PTPRJ: variants seen among roughly 807,000 people sequenced by gnomAD.
The protein encoded by PTPRJ is protein tyrosine phosphatase receptor type J.
A neutral mutation model predicts 141.3 loss-of-function variants in PTPRJ; 129 were observed. That is an observed-to-expected ratio of 0.91 (90% CI 0.79 to 1.06). The LOEUF (loss-of-function observed/expected upper bound fraction) is 1.06, where lower values mean the gene tolerates loss of function less well. Among genes scored for constraint, PTPRJ ranks in the 50% least tolerant of loss-of-function variants. The pLI is 0.00. For synonymous variants in PTPRJ, 610 were observed against 640.5 expected (o/e 0.95, Z 0.72); for missense variants, 1,601 against 1,679.7 (o/e 0.95, Z 0.82).
At chr11:48,081,467 G>A (rs1292256849) in intron 1 of PTPRJ, among the ~76,000 whole-genome samples, 1 of 152,218 alleles carries the variant, frequency 6.6e-6, no homozygotes, top group Non-Finnish European at 1.5e-5. Context: ...CTTGGCGGAC[G>A]ACTTGGGGCT....
intron 1 of PTPRJ, among the ~76,000 whole-genome samples, chr11:48,086,988 A>G (rs1404628825): frequency 6.6e-6 from 1 of 152,244 alleles, no homozygotes; most frequent in Non-Finnish European, 1.5e-5. Flanking sequence ...AGCACTGAGC[A>G]CTTTGACTCA....
At chr11:48,016,551 C>T in intron 1 of PTPRJ, among the ~76,000 whole-genome samples, 1 of 152,154 alleles carries the variant, frequency 6.6e-6, no homozygotes, top group East Asian at 1.9e-4. Context: ...GAGTTGGATG[C>T]CATGGACTTG....
intron 9 of PTPRJ, 56 bp from the exon 10 acceptor site, chr11:48,136,947 C>T (rs1857115614): frequency 6.8e-7 from 1 of 1,471,302 alleles, no homozygotes; most frequent in South Asian, 1.3e-5. Context: ...GTAAATAGTC[C>T]TGGAATTCTA....
chr11:48,117,277 G>A (rs978076562), intron 3 of PTPRJ, among the ~76,000 whole-genome samples: 5 of 151,712 alleles, frequency 3.3e-5, no homozygotes, highest in Non-Finnish European at 5.9e-5. Context: ...ACAGTGGCTC[G>A]TGCCTGTAAT....
At chr11:48,031,043 A>G (rs1853967202) in intron 1 of PTPRJ, among the ~76,000 whole-genome samples, 1 of 152,204 alleles carries the variant, frequency 6.6e-6, no homozygotes, top group East Asian at 1.9e-4. Context: ...AGATTGTAGA[A>G]CTTTGTAAAC....
chr11:48,031,125 C>T (rs1344741354), intron 1 of PTPRJ, among the ~76,000 whole-genome samples: 1 of 152,172 alleles, frequency 6.6e-6, no homozygotes, highest in Admixed American at 6.5e-5. Context: ...GTGACCATTG[C>T]CTGTTAGATT....
At chr11:48,027,790 C>CA (rs1372464226) in intron 1 of PTPRJ, among the ~76,000 whole-genome samples, 6 of 66,522 alleles carry the variant, frequency 9.0e-5, no homozygotes, top group Non-Finnish European at 1.3e-4. Context: ...GACTCTGTCT[C>CA]CAAAAAAAAA....
Position 48,127,938 on chromosome 11 carries a change from C to T in PTPRJ, c.1252C>T (p.Arg418Cys), listed in dbSNP as rs377560733. The change falls in exon 7 of 25, where the codon CGC (arginine) becomes TGC (cysteine). Residue 418 changes from arginine (R) to cysteine (C), a missense_variant. By Grantham distance (180) the Arg-to-Cys change is radical. Coordinates refer to ENST00000418331, the MANE Select transcript of PTPRJ (RefSeq NM_002843.4). ...TTCCAATCTCAACGTCAGTGAGCCT[C>T]GCGCTGTCATCCCCGGACTCCGCTC... The part of the protein sequence containing the change: ...DSSNLNVSEP[R>C]AVIPGLRSST... The T allele has an allele frequency of 5.9e-5, 96 of 1,614,166 alleles. 1 individual carries two copies. Among genetic ancestry groups the T allele is most frequent in the African/African-American group, 3.1e-4 (23 of 75,054 alleles).
intron 6 of PTPRJ, among the ~76,000 whole-genome samples, 199 bp downstream of exon 6, chr11:48,125,385 T>C (rs1003692126): frequency 6.6e-6 from 1 of 152,200 alleles, no homozygotes; most frequent in Non-Finnish European, 1.5e-5. Flanking sequence ...TCTCATTAAG[T>C]GAAATCAAAT....
chr11:48,158,363 T>C lies in PTPRJ; in HGVS notation c.3439-1567T>C, dbSNP rs11039549. 0.017 allele frequency among the ~76,000 whole-genome samples: 2,610 copies of C among 152,190 alleles called. 78 individuals are homozygous for C. The highest frequency in any genetic ancestry group is 0.06 in the African/African-American group (2,472 of 41,522). On this transcript the variant is annotated intron_variant, in intron 21 of 24. Transcript: ENST00000418331. This position sits in a 1 kb window ranked among gnomAD's most constrained non-coding sequence, Gnocchi z 4.4. ...GTTAGTCTTAGTGACCCTGGGTGAA[T>C]GGGGAAGGGAGTGTATTTTCTGCAC...
At chr11:48,096,020 G>A (rs1007856361) in intron 1 of PTPRJ, among the ~76,000 whole-genome samples, 1 of 152,202 alleles carries the variant, frequency 6.6e-6, no homozygotes, top group African/African-American at 2.4e-5. Flanking sequence ...CAGCTAGTGG[G>A]TTATGGGGCA....
chr11:48,091,480 G>T (rs1855865595), intron 1 of PTPRJ, among the ~76,000 whole-genome samples: 1 of 152,184 alleles, frequency 6.6e-6, no homozygotes, highest in Non-Finnish European at 1.5e-5. Context: ...CTTAGGGCAG[G>T]ATAGCTCTTG....
In PTPRJ at chr11:48,130,501, C is replaced by T. The variant is rs148162486; in HGVS notation, c.1400C>T (p.Thr467Met). Residue 467 changes from threonine to methionine, a missense_variant, in exon 8 of 25, where the codon ACG becomes ATG. By Grantham distance (81) the Thr-to-Met change is moderately conservative (BLOSUM62 -1). Coordinates refer to ENST00000418331, the MANE Select transcript of PTPRJ (RefSeq NM_002843.4). ...VSDFRVTVVSTTEIGLAWSSH... is the reference protein window; with the variant it reads ...VSDFRVTVVSMTEIGLAWSSH... ...GACTTCCGAGTGACAGTGGTCAGCA[C>T]GACGGAGATCGGCTTAGCATGGAGC... 2.3e-4 allele frequency: 372 copies of T among 1,613,566 alleles called. No individual in the cohort carries two copies. Among genetic ancestry groups the T allele is most frequent in the Middle Eastern group, 3.3e-4 (2 of 6,056 alleles).
At chr11:48,045,687 C>T (rs1450823333) in intron 1 of PTPRJ, among the ~76,000 whole-genome samples, 1 of 152,104 alleles carries the variant, frequency 6.6e-6, no homozygotes, top group Admixed American at 6.5e-5. Flanking sequence ...AGAAGTTCTG[C>T]TGCAGTGAGT....
intron 1 of PTPRJ, among the ~76,000 whole-genome samples, chr11:48,092,965 G>A (rs149491217): frequency 1.8e-3 from 274 of 152,244 alleles, no homozygotes; most frequent in Non-Finnish European, 2.8e-3. Context: ...ATATATGAGC[G>A]TTGAATATTA....
chr11:48,065,117 C>T (rs1367749392), intron 1 of PTPRJ, among the ~76,000 whole-genome samples: 4 of 144,826 alleles, frequency 2.8e-5, no homozygotes, highest in African/African-American at 7.7e-5. Flanking sequence ...CAGGTTCAAA[C>T]GATTCTCCTG....
chr11:48,110,815 AG>A (rs926204209), intron 2 of PTPRJ, among the ~76,000 whole-genome samples: 4 of 152,230 alleles, frequency 2.6e-5, no homozygotes, highest in African/African-American at 9.6e-5. Context: ...TTTCATGCAC[AG>A]GGCTGAGTCC....
chr11:48,137,401 C>G, intron 10 of PTPRJ, 120 bp downstream of exon 10: 1 of 1,069,794 alleles, frequency 9.3e-7, no homozygotes, highest in Non-Finnish European at 1.3e-6. Context: ...GGACATTGAG[C>G]TTTCCGAGGC....
At chr11:48,041,699 G>T (rs1261318470) in intron 1 of PTPRJ, among the ~76,000 whole-genome samples, 1 of 151,890 alleles carries the variant, frequency 6.6e-6, no homozygotes, top group Non-Finnish European at 1.5e-5. Flanking sequence ...ATCATGGCTC[G>T]CTGCAGCCTC....
Sources: allele counts gnomAD v4.1 joint callset (sites outside exome capture counted in the v4.1 genomes callset), GRCh38; gene constraint gnomAD v4.1.1; non-coding constraint Gnocchi (gnomAD v3.1); transcripts MANE v1.5; gene names NCBI Gene and HGNC (gene_info 2026-07-23, HGNC 2026-07-21).